KCNQ2: variants seen among roughly 807,000 people sequenced by gnomAD.
KCNQ2 encodes potassium voltage-gated channel subfamily Q member 2, also known as potassium voltage-gated channel subfamily KQT member 2.
In KCNQ2, 14 loss-of-function variants were observed where a neutral mutation model predicts 84.8. That is an observed-to-expected ratio of 0.17 (90% CI 0.11 to 0.26). KCNQ2 has a LOEUF of 0.26. Ranked by LOEUF, KCNQ2 falls within the 10% of genes least tolerant of loss-of-function variation. KCNQ2 has a pLI of 1.00. For missense variants in KCNQ2, 788 were observed against 1,254.0 expected (o/e 0.63, Z 5.61); for synonymous variants, 599 against 554.1 (o/e 1.08, Z -1.14).
At chr20:63,464,939 G>A (rs192000327) in intron 1 of KCNQ2, among the ~76,000 whole-genome samples, 31 of 152,308 alleles carry the variant, frequency 2.0e-4, no homozygotes, top group African/African-American at 7.0e-4. Flanking sequence ...AACACTCAAT[G>A]GGACAACTCA....
At position 63,413,436 on chromosome 20, in the gene KCNQ2, G is replaced by T. The variant is rs767673819; in HGVS notation, c.1763+14C>A. The T allele has an allele frequency of 1.2e-6, 2 of 1,612,908 alleles. No individual in the cohort carries two copies. The highest frequency in any genetic ancestry group is 2.2e-5 in the South Asian group (2 of 91,078). On this transcript the variant is annotated intron_variant, in intron 15 of 16. Coordinates refer to ENST00000359125, the MANE Select transcript of KCNQ2 (RefSeq NM_172107.4). ...GTTCTTGTCCCCTGCTGGACAGGCA[G>T]GCGGGGCTCTTGCCTGGACTGCAGG...
intron 1 of KCNQ2, among the ~76,000 whole-genome samples, chr20:63,464,086 G>A (rs1244042878): frequency 6.6e-6 from 1 of 152,140 alleles, no homozygotes; most frequent in Non-Finnish European, 1.5e-5. Context: ...TTCAAGCTGG[G>A]TAGGCAGCAG....
rs1037597467 is a variant in KCNQ2, at chr20:63,414,352, T to A, written c.1526-159A>T. Reference sequence around the variant, plus strand: ...CTGCTTTTCTGGAAACCCACCCATCTGCACCCAGCTGCTCTCGAGTCAGGA... The same window carrying A: ...CTGCTTTTCTGGAAACCCACCCATCAGCACCCAGCTGCTCTCGAGTCAGGA... On this transcript the variant is annotated intron_variant, in intron 13 of 16. Coordinates refer to ENST00000359125, the MANE Select transcript of KCNQ2 (RefSeq NM_172107.4). This position sits in a 1 kb window ranked among gnomAD's most constrained non-coding sequence, Gnocchi z 6.6. Among the ~76,000 whole-genome samples, 6 of 152,190 alleles carry A rather than the reference T, an allele frequency of 3.9e-5. No homozygotes were observed. Among genetic ancestry groups the A allele is most frequent in the African/African-American group, 1.4e-4 (6 of 41,460 alleles).
intron 1 of KCNQ2, among the ~76,000 whole-genome samples, chr20:63,461,577 G>A (rs1489462892): frequency 6.6e-6 from 1 of 152,160 alleles, no homozygotes; most frequent in African/African-American, 2.4e-5. Flanking sequence ...CACCCCGGGG[G>A]CCGGCCCTCC....
chr20:63,431,970 G>A (rs1219114338), intron 8 of KCNQ2, among the ~76,000 whole-genome samples: 1 of 147,054 alleles, frequency 6.8e-6, no homozygotes, highest in South Asian at 2.2e-4. Context: ...CCACAGGGAA[G>A]GCCCCACCCG....
chr20:63,429,045 C>G (rs893903036), intron 9 of KCNQ2, among the ~76,000 whole-genome samples: 4 of 151,934 alleles, frequency 2.6e-5, no homozygotes, highest in Non-Finnish European at 4.4e-5. Context: ...ATACCCACCC[C>G]TGTCTTCCTG....
At chr20:63,427,378 A>G (rs6062929) in intron 10 of KCNQ2, among the ~76,000 whole-genome samples, 45,734 of 152,218 alleles carry the variant, frequency 0.3, 7,663 homozygotes, top group Non-Finnish European at 0.39. Flanking sequence ...CTGATGTCAC[A>G]CCCGCGCTTG....
intron 1 of KCNQ2, among the ~76,000 whole-genome samples, chr20:63,457,151 A>G (rs1172802886): frequency 2.0e-5 from 3 of 152,110 alleles, no homozygotes; most frequent in African/African-American, 7.2e-5. Flanking sequence ...ACCAAGCGTG[A>G]TGGATCACTG....
intron 10 of KCNQ2, 63 bp downstream of exon 10, chr20:63,428,304 G>A (rs888842906): frequency 7.8e-7 from 1 of 1,286,576 alleles, no homozygotes; most frequent in African/African-American, 1.5e-5. Context: ...TCTTCTGTGG[G>A]CAGCTGGGGC....
intron 5 of KCNQ2, among the ~76,000 whole-genome samples, chr20:63,440,994 G>T (rs555657815): frequency 1.4e-3 from 205 of 147,368 alleles, no homozygotes; most frequent in African/African-American, 5.0e-3. Context: ...TTGAGACAGA[G>T]TCTCGCTCTG....
At position 63,406,720 on chromosome 20, in the gene KCNQ2, G is replaced by A. The variant is rs377633507; in HGVS notation, c.2543C>T (p.Pro848Leu). Residue 848 changes from proline (P) to leucine (L), a missense_variant, in exon 17 of 17, where the codon CCG becomes CTG. This residue lies in a region of KCNQ2 where 378 missense variants were observed against 434.5 expected (regional missense o/e 0.87). Transcript: ENST00000359125. The stretch of plus-strand genomic sequence containing the variant: ...GGCCGAGCGTGGCGGGGGCCCGCAC[G>A]GGGTACAGAGGTCGGAGTCGGTGTC... Reference protein sequence around the residue: ...ESDTDSDLCTPCGPPPRSATG... With the variant: ...ESDTDSDLCTLCGPPPRSATG... 27 of 1,606,440 alleles carry A rather than the reference G, an allele frequency of 1.7e-5. No individual in the cohort carries two copies. Among genetic ancestry groups the A allele is most frequent in the Middle Eastern group, 1.6e-4 (1 of 6,078 alleles).
chr20:63,467,886 C>T (rs947009504), intron 1 of KCNQ2, among the ~76,000 whole-genome samples: 3 of 152,124 alleles, frequency 2.0e-5, no homozygotes, highest in Non-Finnish European at 4.4e-5. Flanking sequence ...GGAGAGACCG[C>T]GTCTCTGCAG....
chr20:63,402,888 C>A lies in KCNQ2; in HGVS notation c.*3756G>T, dbSNP rs1279953292. On this transcript the variant is annotated 3_prime_UTR_variant, in exon 17 of 17. Coordinates refer to ENST00000359125, the MANE Select transcript of KCNQ2 (RefSeq NM_172107.4). ...GTGCAGGAGGCATGGGAGGAGCCCT[C>A]CCCCAGCGTGTCCCAGCCGTGGTGG... The A allele has an allele frequency of 1.3e-5, 2 of 152,298 alleles. No homozygotes were observed. Among genetic ancestry groups the A allele is most frequent in the East Asian group, 3.9e-4 (2 of 5,186 alleles). 9.4% of individuals were successfully genotyped at this position (152,298 alleles called of 1,614,324 possible). A position where few individuals can be genotyped will look rare whatever the true frequency, so the allele number is the denominator to read the frequency against.
Position 63,400,542 on chromosome 20 carries a change from A to G in KCNQ2, c.*6102T>C. The G allele has an allele frequency of 2.5e-6, 1 of 398,308 alleles. No homozygotes were observed. Among genetic ancestry groups the G allele is most frequent in the Non-Finnish European group, 4.4e-6 (1 of 225,968 alleles). 24.7% of individuals were successfully genotyped at this position (398,308 alleles called of 1,614,324 possible). On this transcript the variant is annotated 3_prime_UTR_variant, in exon 17 of 17. Coordinates refer to ENST00000359125, the MANE Select transcript of KCNQ2 (RefSeq NM_172107.4). This position sits in a 1 kb window ranked among gnomAD's most constrained non-coding sequence, Gnocchi z 8.7. The stretch of plus-strand genomic sequence containing the variant: ...AAGGCCTGGTCACTACGGCACAAGG[A>G]CACATACAAAATGGTCAGAAGTGTA...
Position 63,406,669 on chromosome 20 carries a change from A to C in KCNQ2, c.2594T>G (p.Val865Gly), listed in dbSNP as rs759860079. Residue 865 changes from valine (V) to glycine (G), a missense_variant, in exon 17 of 17, where the codon GTG (valine) becomes GGG (glycine). This residue lies in a region of KCNQ2 where 378 missense variants were observed against 434.5 expected (regional missense o/e 0.87). Coordinates refer to ENST00000359125, the MANE Select transcript of KCNQ2 (RefSeq NM_172107.4). Reference protein sequence around the residue: ...SATGEGPFGDVGWAGPRK With the variant: ...SATGEGPFGDGGWAGPRK Reference sequence around the variant, plus strand: ...TCACTTCCTGGGCCCGGCCCAGCCCACGTCACCAAAGGGACCCTCGCCGGT... The same window carrying C: ...TCACTTCCTGGGCCCGGCCCAGCCCCCGTCACCAAAGGGACCCTCGCCGGT... 13 of 1,599,604 alleles carry C rather than the reference A, an allele frequency of 8.1e-6. No individual in the cohort carries two copies. The highest frequency in any genetic ancestry group is 2.2e-5 in the East Asian group (1 of 44,568).
At chr20:63,409,577 C>CT (rs1281000160) in intron 15 of KCNQ2, among the ~76,000 whole-genome samples, 2 of 152,244 alleles carry the variant, frequency 1.3e-5, no homozygotes, top group Admixed American at 1.3e-4. Flanking sequence ...CCCAGCTGGA[C>CT]AAGGGCAGCT....
intron 1 of KCNQ2, chr20:63,471,608 GC>G (rs1194536665): frequency 6.5e-6 from 1 of 153,046 alleles, no homozygotes; most frequent in Non-Finnish European, 1.5e-5. Context: ...CGCCGAGGGG[GC>G]AGGACAGACA....
Position 63,400,848 on chromosome 20 carries a change from G to C in KCNQ2, c.*5796C>G, listed in dbSNP as rs1459227415. 2.0e-5 allele frequency: 8 copies of C among 398,314 alleles called. No homozygotes were observed. The highest frequency in any genetic ancestry group is 3.5e-5 in the Non-Finnish European group (8 of 225,926). The allele number at this position is 398,314 out of a possible 1,614,324, so 24.7% of individuals were successfully genotyped here. A position where few individuals can be genotyped will look rare whatever the true frequency, so the allele number is the denominator to read the frequency against. ...GCGTGTCTCTGGAGCCCGTCCCTTG[G>C]GCCCCTCGCCCGCCCCACCTGTTCG... On this transcript the variant is annotated 3_prime_UTR_variant, in exon 17 of 17. Coordinates refer to ENST00000359125, the MANE Select transcript of KCNQ2 (RefSeq NM_172107.4). The surrounding 1 kb of genome is among the most constrained non-coding windows in gnomAD (Gnocchi z 8.7).
At chr20:63,441,377 C>A (rs913808224) in intron 5 of KCNQ2, among the ~76,000 whole-genome samples, 1 of 152,100 alleles carries the variant, frequency 6.6e-6, no homozygotes, top group Admixed American at 6.5e-5. Context: ...AACACAGAAG[C>A]AGCCGCATCC....
Sources: gnomAD v4.1 joint callset for allele counts (sites outside exome capture counted in the v4.1 genomes callset) on GRCh38, gnomAD v4.1.1 for gene constraint, gnomAD v4.1.1 regional missense constraint, Gnocchi (gnomAD v3.1) non-coding constraint, MANE v1.5 for transcripts, NCBI Gene and HGNC (gene_info 2026-07-23, HGNC 2026-07-21) for gene names.